Variants in WDR1 observed in about 807,000 individuals in gnomAD.
The protein encoded by WDR1 is WD repeat domain 1.
Under a neutral mutation model 71.9 loss-of-function variants are expected in WDR1, and 21 were observed. The observed-to-expected ratio is 0.29, with a 90% CI of 0.21 to 0.42. The LOEUF (loss-of-function observed/expected upper bound fraction) is 0.42, where lower values mean the gene tolerates loss of function less well. Among genes scored for constraint, WDR1 ranks in the 10% least tolerant of loss-of-function variants. The probability of loss-of-function intolerance (pLI) is 1.00; values close to 1 mark genes in which losing one functional copy is unlikely to be tolerated. For synonymous variants in WDR1, 424 were observed against 347.4 expected (o/e 1.22, Z -2.45); for missense variants, 696 against 824.5 (o/e 0.84, Z 1.91).
Position 10,077,592 on chromosome 4 carries a change from C to A in WDR1, c.1570-144G>T, listed in dbSNP as rs779583429. On this transcript the variant is annotated intron_variant, in intron 13 of 14. Coordinates refer to ENST00000499869, the MANE Select transcript of WDR1 (RefSeq NM_017491.5). The stretch of plus-strand genomic sequence containing the variant: ...TATGCCAGCGACCCCTGCAAACCCA[C>A]TGACTCCTCAGAAGCATGGCACGAG... 20 of 1,488,388 alleles carry A rather than the reference C, an allele frequency of 1.3e-5. 1 individual carries two copies. The highest frequency in any genetic ancestry group is 1.3e-5 in the South Asian group (1 of 77,676). 92.2% of individuals were successfully genotyped at this position (1,488,388 alleles called of 1,614,324 possible).
At chr4:10,093,199 G>A in intron 5 of WDR1, 1 of 1,261,484 alleles carries the variant, frequency 7.9e-7, no homozygotes, top group Non-Finnish European at 1.0e-6. Flanking sequence ...CCCTCTGGGA[G>A]CCCACCCCAT....
chr4:10,079,661 T>C (rs1261947756), intron 11 of WDR1, among the ~76,000 whole-genome samples: 2 of 152,218 alleles, frequency 1.3e-5, no homozygotes, highest in African/African-American at 4.8e-5. Flanking sequence ...CCTTCATCTC[T>C]GAGTTTTGCC....
intron 9 of WDR1, chr4:10,083,619 G>A (rs1208338384): frequency 2.1e-6 from 1 of 485,596 alleles, no homozygotes. Context: ...GACCAGAGCT[G>A]TCCACACAAA....
At chr4:10,079,909 TCC>T (rs1480931400) in intron 11 of WDR1, among the ~76,000 whole-genome samples, 1 of 152,320 alleles carries the variant, frequency 6.6e-6, no homozygotes, top group East Asian at 1.9e-4. Flanking sequence ...TGAAGCTTCG[TCC>T]GACATGAGAC....
Position 10,074,866 on chromosome 4 carries a change from G to T in WDR1, c.*512C>A, listed in dbSNP as rs1764737712. The T allele has an allele frequency of 1.9e-5, 3 of 156,456 alleles. No individual in the cohort carries two copies. Among genetic ancestry groups the T allele is most frequent in the African/African-American group, 7.2e-5 (3 of 41,636 alleles). 9.7% of individuals were successfully genotyped at this position (156,456 alleles called of 1,614,324 possible). Reference sequence around the variant, plus strand: ...ATCTGGAGGTGGCGCTCTGAAGGCAGCCACAAGGTGTGAGTCACACACTAG... The same window carrying T: ...ATCTGGAGGTGGCGCTCTGAAGGCATCCACAAGGTGTGAGTCACACACTAG... On this transcript the variant is annotated 3_prime_UTR_variant, in exon 15 of 15. Transcript: ENST00000499869.
At chr4:10,077,105 C>T in intron 14 of WDR1, 199 bp downstream of exon 14, 1 of 753,660 alleles carries the variant, frequency 1.3e-6, no homozygotes, top group Non-Finnish European at 2.1e-6. Flanking sequence ...GCATGGGGCC[C>T]CCGTGGTCCC....
At chr4:10,116,427 G>T in intron 1 of WDR1, 193 bp from the exon 2 acceptor site, 1 of 909,604 alleles carries the variant, frequency 1.1e-6, no homozygotes, top group East Asian at 3.2e-5. Flanking sequence ...CTTGGGGGCA[G>T]CGGGGCTCCT....
chr4:10,085,357 C>G (rs957582122), intron 8 of WDR1, among the ~76,000 whole-genome samples: 3 of 152,242 alleles, frequency 2.0e-5, no homozygotes, highest in African/African-American at 7.2e-5. Context: ...GAGACAGGTA[C>G]ACAGTTACCA....
At chr4:10,087,491 G>A (rs1454215386) in intron 8 of WDR1, among the ~76,000 whole-genome samples, 1 of 152,226 alleles carries the variant, frequency 6.6e-6, no homozygotes, top group African/African-American at 2.4e-5. Context: ...GTAGCTCAAG[G>A]GGAACTTGGC....
chr4:10,076,853 C>A, intron 14 of WDR1: 1 of 168,742 alleles, frequency 5.9e-6, no homozygotes, highest in Non-Finnish European at 1.3e-5. Context: ...ATCACAACCC[C>A]CTCAGGGAGA....
At chr4:10,099,686 G>A (rs1418630781) in intron 3 of WDR1, among the ~76,000 whole-genome samples, 3 of 152,218 alleles carry the variant, frequency 2.0e-5, no homozygotes, top group Non-Finnish European at 2.9e-5. Context: ...GTGGCCTGGC[G>A]GCCTCCACCT....
intron 5 of WDR1, chr4:10,096,199 G>A (rs527978916): frequency 6.6e-6 from 1 of 152,330 alleles, no homozygotes; most frequent in African/African-American, 2.4e-5. Context: ...GAGTGGAAAT[G>A]ATCCCTCCCA....
intron 2 of WDR1, among the ~76,000 whole-genome samples, chr4:10,110,282 C>T (rs910588396): frequency 1.3e-5 from 2 of 152,206 alleles, no homozygotes; most frequent in African/African-American, 4.8e-5. Flanking sequence ...TTCCTGTGTC[C>T]ACAGCTGTCC....
At position 10,074,943 on chromosome 4, in the gene WDR1, C is replaced by T. The variant is rs980061897; in HGVS notation, c.*435G>A. On this transcript the variant is annotated 3_prime_UTR_variant, in exon 15 of 15. Coordinates refer to ENST00000499869, the MANE Select transcript of WDR1 (RefSeq NM_017491.5). ...ATTCCGGCTTTGCTGAACTGCAATG[C>T]ATATTCCCTCTTCTCACTAGTACAG... 7 of 193,342 alleles carry T rather than the reference C, an allele frequency of 3.6e-5. No individual in the cohort carries two copies. The highest frequency in any genetic ancestry group is 1.2e-4 in the African/African-American group (5 of 43,050). 12.0% of individuals were successfully genotyped at this position (193,342 alleles called of 1,614,324 possible). A position where few individuals can be genotyped will look rare whatever the true frequency, so the allele number is the denominator to read the frequency against.
intron 2 of WDR1, among the ~76,000 whole-genome samples, chr4:10,106,119 G>A (rs1176548232): frequency 6.6e-6 from 1 of 152,000 alleles, no homozygotes; most frequent in Non-Finnish European, 1.5e-5. Flanking sequence ...GGGGTGGCGG[G>A]GGCGGGGGGC....
At position 10,100,465 on chromosome 4, in the gene WDR1, G is replaced by A. The variant is rs529573875; in HGVS notation, c.230-1326C>T. Among the ~76,000 whole-genome samples the A allele has an allele frequency of 3.9e-5, 6 of 152,208 alleles. No individual in the cohort carries two copies. The East Asian group carries it at 7.8e-4, about 20-fold the overall frequency. Reference sequence around the variant, plus strand: ...AGGTGGAACGAGTCCACGAATTAACGGAGGCTCTACACAGGCCACGAAGAT... The same window carrying A: ...AGGTGGAACGAGTCCACGAATTAACAGAGGCTCTACACAGGCCACGAAGAT... On this transcript the variant is annotated intron_variant, in intron 3 of 14. Transcript: ENST00000499869.
At chr4:10,106,056 G>A (rs192041696) in intron 2 of WDR1, among the ~76,000 whole-genome samples, 219 of 151,358 alleles carry the variant, frequency 1.4e-3, no homozygotes, top group African/African-American at 5.0e-3. Flanking sequence ...TTTTAGAAAA[G>A]GCAACCCCAA....
intron 5 of WDR1, among the ~76,000 whole-genome samples, chr4:10,089,257 C>T (rs1711806420): frequency 1.3e-5 from 2 of 152,190 alleles, no homozygotes; most frequent in South Asian, 4.1e-4. Context: ...GACAGGTGCC[C>T]GCCACCACGC....
chr4:10,111,479 G>A (rs940602299), intron 2 of WDR1, among the ~76,000 whole-genome samples: 1 of 152,192 alleles, frequency 6.6e-6, no homozygotes, highest in African/African-American at 2.4e-5. Flanking sequence ...GGCAGGCGCT[G>A]CTGCCAGCTC....
Sources: gnomAD v4.1 joint callset for allele counts (sites outside exome capture counted in the v4.1 genomes callset) on GRCh38, gnomAD v4.1.1 for gene constraint, MANE v1.5 for transcripts, NCBI Gene and HGNC (gene_info 2026-07-23, HGNC 2026-07-21) for gene names.